Variants in BTBD19 observed in about 807,000 individuals in gnomAD.
The protein encoded by BTBD19 is BTB/POZ domain-containing protein 19.
BTBD19 carries 20 observed loss-of-function variants against 36.1 expected under a neutral mutation model. The observed-to-expected ratio is 0.55, with a 90% CI of 0.39 to 0.80. The LOEUF (loss-of-function observed/expected upper bound fraction) is 0.80, where lower values mean the gene tolerates loss of function less well. Ranked by LOEUF, BTBD19 falls within the 30% of genes least tolerant of loss-of-function variation. The pLI, the probability that BTBD19 is intolerant of heterozygous loss-of-function variation, is 0.00. For missense variants in BTBD19, 325 were observed against 389.8 expected, an observed-to-expected ratio of 0.83 and a Z score of 1.40; for synonymous variants, 157 against 174.3, an observed-to-expected ratio of 0.90 and a Z score of 0.78.
Position 44,813,879 on chromosome 1 carries a change from T to C in BTBD19, c.*107T>C. 1.4e-6 allele frequency: 2 copies of C among 1,475,042 alleles called. No homozygotes were observed. Among genetic ancestry groups the C allele is most frequent in the Non-Finnish European group, 1.8e-6 (2 of 1,085,136 alleles). The allele number at this position is 1,475,042 out of a possible 1,614,324, so 91.4% of individuals were successfully genotyped here. A position where few individuals can be genotyped will look rare whatever the true frequency, so the allele number is the denominator to read the frequency against. On this transcript the variant is annotated 3_prime_UTR_variant, in exon 8 of 8. Coordinates refer to ENST00000450269, the Ensembl canonical transcript of BTBD19. The surrounding 1 kb of genome is among the most constrained non-coding windows in gnomAD (Gnocchi z 7.8). ...TCGGAGCGGGCTTCCGTTCCCAGCG[T>C]GCCCAGTGAGCCGGGCGCCGGAAGA... is the stretch of plus-strand genomic sequence containing the variant.
chr1:44,811,324 C>T (rs1413906364), intron 3 of BTBD19, among the ~76,000 whole-genome samples: 2 of 151,936 alleles, frequency 1.3e-5, no homozygotes, highest in Non-Finnish European at 2.9e-5. Context: ...GAGAAGACTT[C>T]CCAGAGGAGG....
At position 44,810,150 on chromosome 1, in the gene BTBD19, C is replaced by T; in HGVS notation, c.87-63C>T. On this transcript the variant is annotated intron_variant, in intron 1 of 7. Transcript: ENST00000450269. This position sits in a 1 kb window ranked among gnomAD's most constrained non-coding sequence, Gnocchi z 4.2. Reference sequence around the variant, plus strand: ...CTAAGACCCAGAGTGGGCAAAGGCACAGCCCAAGTTGCACTCCGGGTGCTG... The same window carrying T: ...CTAAGACCCAGAGTGGGCAAAGGCATAGCCCAAGTTGCACTCCGGGTGCTG... 1 of 1,412,644 alleles carries T rather than the reference C, an allele frequency of 7.1e-7. No individual in the cohort carries two copies. Among genetic ancestry groups the T allele is most frequent in the Non-Finnish European group, 9.7e-7 (1 of 1,026,744 alleles). 87.5% of individuals were successfully genotyped at this position (1,412,644 alleles called of 1,614,324 possible).
chr1:44,813,653 G>C lies in BTBD19; in HGVS notation c.757G>C (p.Glu253Gln). ...TGCTCTGCAGGTGGAGCAGATTGTG[G>C]AGGCGTGGAAATGCCATGCCCTGCG... Residue 253 changes from glutamate to glutamine, a missense_variant, in exon 8 of 8, where the codon GAG becomes CAG. Transcript: ENST00000450269. This position sits in a 1 kb window ranked among gnomAD's most constrained non-coding sequence, Gnocchi z 7.8. 6.4e-7 allele frequency: 1 copy of C among 1,550,578 alleles called. No individual in the cohort carries two copies.
At chr1:44,814,183 T>TTTCTTTC (rs1652600686), downstream of BTBD19, 1 of 144,170 alleles carries the variant, frequency 6.9e-6, no homozygotes, top group East Asian at 2.0e-4. Context: ...TCTTTCTTTC[T>TTTCTTTC]TTCTTTCTTT....
At position 44,813,943 on chromosome 1, in the gene BTBD19, A is replaced by G. The variant is rs1652564391; in HGVS notation, c.*171A>G. Reference sequence around the variant, plus strand: ...ACGCGCAGCCCCTTGTGCGGGATCAAGCCCGTGTGGGCGAGGTGGGGTCGG... The same window carrying G: ...ACGCGCAGCCCCTTGTGCGGGATCAGGCCCGTGTGGGCGAGGTGGGGTCGG... On this transcript the variant is annotated 3_prime_UTR_variant, in exon 8 of 8. Coordinates refer to ENST00000450269, the Ensembl canonical transcript of BTBD19. This position sits in a 1 kb window ranked among gnomAD's most constrained non-coding sequence, Gnocchi z 7.8. 8.7e-7 allele frequency: 1 copy of G among 1,145,514 alleles called. No individual in the cohort carries two copies. The highest frequency in any genetic ancestry group is 2.6e-5 in the East Asian group (1 of 38,390). 71.0% of individuals were successfully genotyped at this position (1,145,514 alleles called of 1,614,324 possible). A position where few individuals can be genotyped will look rare whatever the true frequency, so the allele number is the denominator to read the frequency against.
At chr1:44,814,538 T>C (rs1346813989), downstream of BTBD19, 1 of 148,128 alleles carries the variant, frequency 6.8e-6, no homozygotes. Context: ...GACCTTGTGA[T>C]CCGCCCGCCT....
At position 44,813,351 on chromosome 1, in the gene BTBD19, C is replaced by T. The variant is rs1652524204; in HGVS notation, c.616-23C>T. 1.9e-6 allele frequency: 3 copies of T among 1,543,272 alleles called. No individual in the cohort carries two copies. Among genetic ancestry groups the T allele is most frequent in the Non-Finnish European group, 8.7e-7 (1 of 1,146,426 alleles). ...GTGAGCGGGCGGCAGGACAGGTGCC[C>T]GACTCAGGGCTGGCGTTTGCAGGCG... is the stretch of plus-strand genomic sequence containing the variant. On this transcript the variant is annotated intron_variant, in intron 6 of 7. Transcript: ENST00000450269. The surrounding 1 kb of genome is among the most constrained non-coding windows in gnomAD (Gnocchi z 7.8).
At chr1:44,814,146 TTCTCTTTCTTTC>T (rs1557635201), downstream of BTBD19, 1 of 207,026 alleles carries the variant, frequency 4.8e-6, no homozygotes, top group Admixed American at 6.9e-5. Flanking sequence ...TTCTTTTTCT[TTCTCTTTCTTTC>T]TTTCTTTCTT....
chr1:44,813,193 T>C lies in BTBD19; in HGVS notation c.539T>C (p.Leu180Pro), dbSNP rs1159621564. 8 of 1,536,150 alleles carry C rather than the reference T, an allele frequency of 5.2e-6. No homozygotes were observed. In the Admixed American group the frequency reaches 1.6e-4, roughly 30 times the overall value. Residue 180 changes from leucine to proline, a missense_variant, in exon 6 of 8, where the codon CTG (leucine) becomes CCG (proline). Physicochemically the swap from Leu to Pro is moderately conservative, Grantham distance 98. Coordinates refer to ENST00000450269, the Ensembl canonical transcript of BTBD19. This position sits in a 1 kb window ranked among gnomAD's most constrained non-coding sequence, Gnocchi z 7.8. ...CTGTCGGCGGCCGCGCTGCTGCCCCTGCTCCGCAGCGACAAGCTCTGCGTG... is the reference window on the plus strand; with the variant it reads ...CTGTCGGCGGCCGCGCTGCTGCCCCCGCTCCGCAGCGACAAGCTCTGCGTG...
exon 8 of BTBD19, chr1:44,814,036 C>A: frequency 5.1e-6 from 3 of 588,196 alleles, no homozygotes; most frequent in Non-Finnish European, 9.1e-6. Context: ...TCCTTCGTTC[C>A]ACACCCTGAC....
Position 44,810,302 on chromosome 1 carries a change from T to A in BTBD19, c.176T>A (p.Leu59His), listed in dbSNP as rs1056342438. The A allele has an allele frequency of 3.2e-6, 5 of 1,551,892 alleles. No homozygotes were observed. The Admixed American group carries it at 9.8e-5, about 30-fold the overall frequency. The change falls in exon 2 of 8, where the codon CTT (leucine) becomes CAT (histidine). Residue 59 changes from leucine (L) to histidine (H), a missense_variant. Coordinates refer to ENST00000450269, the Ensembl canonical transcript of BTBD19. This position sits in a 1 kb window ranked among gnomAD's most constrained non-coding sequence, Gnocchi z 4.2. ...TGTAGATGCAACTTCTTCCAGCGACTTCTGGGCACAGAGCCAGGCCCCGGG... is the reference window on the plus strand; with the variant it reads ...TGTAGATGCAACTTCTTCCAGCGACATCTGGGCACAGAGCCAGGCCCCGGG...
exon 1 of BTBD19, chr1:44,808,549 C>CA (rs1557629988): frequency 1.3e-4 from 41 of 325,894 alleles, no homozygotes; most frequent in Middle Eastern, 8.0e-4. Context: ...CCGCCGCCGC[C>CA]GCCAGCCAGC....
chr1:44,814,200 T>TTCTC (rs1244920964), downstream of BTBD19: 2 of 150,452 alleles, frequency 1.3e-5, no homozygotes, highest in African/African-American at 5.7e-5. Flanking sequence ...CTTTCTTTCT[T>TTCTC]TCTTTCTTTC....
rs1212355183 is a variant in BTBD19 at position 44,813,451 on chromosome 1, G to A, written c.693G>A (p.Ala231=). The stretch of plus-strand genomic sequence containing the variant: ...TGAGACTAGCCTTGCTGGCCCCGGC[G>A]GAGCTGAGCGCCCTGGAAGAGCAGA... Residue 231 remains alanine (A), a synonymous_variant, in exon 7 of 8, where the codon GCG becomes GCA. Transcript: ENST00000450269. The surrounding 1 kb of genome is among the most constrained non-coding windows in gnomAD (Gnocchi z 7.8). The A allele has an allele frequency of 1.2e-5, 18 of 1,545,416 alleles. No homozygotes were observed. The highest frequency in any genetic ancestry group is 2.4e-5 in the South Asian group (2 of 84,050).
At chr1:44,814,969 C>T (rs1220744004), downstream of BTBD19, 2 of 152,324 alleles carry the variant, frequency 1.3e-5, no homozygotes, top group Non-Finnish European at 2.9e-5. Flanking sequence ...AGCTCTGCCC[C>T]CATCGTGTTT....
intron 1 of BTBD19, among the ~76,000 whole-genome samples, chr1:44,809,707 T>C (rs1208321091): frequency 6.6e-6 from 1 of 152,194 alleles, no homozygotes; most frequent in African/African-American, 2.4e-5. Context: ...GTCTGGCTCA[T>C]GATGGTGCAT....
In BTBD19 at chr1:44,813,941, C is replaced by A; in HGVS notation, c.*169C>A. The A allele has an allele frequency of 8.6e-7, 1 of 1,166,164 alleles. No individual in the cohort carries two copies. The highest frequency in any genetic ancestry group is 1.2e-6 in the Non-Finnish European group (1 of 833,672). 72.2% of individuals were successfully genotyped at this position (1,166,164 alleles called of 1,614,324 possible). ...CCACGCGCAGCCCCTTGTGCGGGAT[C>A]AAGCCCGTGTGGGCGAGGTGGGGTC... is the stretch of plus-strand genomic sequence containing the variant. On this transcript the variant is annotated 3_prime_UTR_variant, in exon 8 of 8. Transcript: ENST00000450269. The surrounding 1 kb of genome is among the most constrained non-coding windows in gnomAD (Gnocchi z 7.8).
At position 44,810,830 on chromosome 1, in the gene BTBD19, C is replaced by T. The variant is rs1288911044; in HGVS notation, c.354+223C>T. The T allele has an allele frequency of 2.4e-5, 9 of 369,220 alleles. No individual in the cohort carries two copies. Among genetic ancestry groups the T allele is most frequent in the Non-Finnish European group, 3.7e-5 (7 of 187,546 alleles). The allele number at this position is 369,220 out of a possible 1,614,324, so 22.9% of individuals were successfully genotyped here. On this transcript the variant is annotated intron_variant, in intron 3 of 7. Coordinates refer to ENST00000450269, the Ensembl canonical transcript of BTBD19. The surrounding 1 kb of genome is among the most constrained non-coding windows in gnomAD (Gnocchi z 4.2). ...CTGTGGGAAGAGGGGGTGATTATGG[C>T]TGGTGCTGTAGATACAAAGATATCA...
chr1:44,812,026 T>C lies in BTBD19; in HGVS notation c.355-13T>C, dbSNP rs1467623322. The C allele has an allele frequency of 3.7e-5, 48 of 1,304,880 alleles. No homozygotes were observed. In the East Asian group the frequency reaches 2.4e-3, roughly 65 times the overall value. The allele number at this position is 1,304,880 out of a possible 1,614,324, so 80.8% of individuals were successfully genotyped here. A position where few individuals can be genotyped will look rare whatever the true frequency, so the allele number is the denominator to read the frequency against. On this transcript the variant is annotated splice_polypyrimidine_tract_variant and intron_variant, in intron 3 of 7. Coordinates refer to ENST00000450269, the Ensembl canonical transcript of BTBD19. Reference sequence around the variant, plus strand: ...GACACCGCCACCCAACCCACATTCATTTCTGTTCCCAGCTGTGCCTGCAGT... The same window carrying C: ...GACACCGCCACCCAACCCACATTCACTTCTGTTCCCAGCTGTGCCTGCAGT...
Sources: allele counts gnomAD v4.1 joint callset (sites outside exome capture counted in the v4.1 genomes callset), GRCh38; gene constraint gnomAD v4.1.1; non-coding constraint Gnocchi (gnomAD v3.1); transcripts MANE v1.5; gene names NCBI Gene and HGNC (gene_info 2026-07-23, HGNC 2026-07-21).